DNAH1: variants seen among roughly 807,000 people sequenced by gnomAD.
The protein encoded by DNAH1 is dynein axonemal heavy chain 1, also known as axonemal beta dynein heavy chain 1.
DNAH1 carries 327 observed loss-of-function variants against 484.3 expected under a neutral mutation model. That is an observed-to-expected ratio of 0.68 (90% CI 0.62 to 0.74). The LOEUF (loss-of-function observed/expected upper bound fraction) is 0.74. Ranked by LOEUF, DNAH1 falls within the 30% of genes least tolerant of loss-of-function variation. DNAH1 has a pLI of 0.00. For missense variants in DNAH1, 5,052 were observed against 5,546.8 expected (o/e 0.91, Z 2.83); for synonymous variants, 2,192 against 2,191.9 (o/e 1.00, Z 0.00).
At chr3:52,337,504 A>G (rs987025237) in intron 8 of DNAH1, among the ~76,000 whole-genome samples, 7 of 152,316 alleles carry the variant, frequency 4.6e-5, no homozygotes, top group African/African-American at 1.7e-4. Context: ...TGTGAGCCAA[A>G]TTTAAAACCT....
intron 8 of DNAH1, among the ~76,000 whole-genome samples, chr3:52,341,464 C>G (rs967519774): frequency 1.3e-5 from 2 of 150,490 alleles, no homozygotes; most frequent in African/African-American, 4.9e-5. Context: ...GTGGGAAACT[C>G]TAGAGCAAGC....
Position 52,361,740 on chromosome 3 carries a change from A to G in DNAH1, c.4954A>G (p.Thr1652Ala). ...GTCTGTGGTGGCGCAGCAGATCACC[A>G]CCATCCAGAAGGCGCAGCAGCAGCG... ...VLSVVAQQIT[T>A]IQKAQQQRVE... Residue 1652 changes from threonine (T) to alanine (A), a missense_variant, in exon 30 of 78, where the codon ACC becomes GCC. Thr to Ala is a moderately conservative substitution (Grantham distance 58). Coordinates refer to ENST00000420323, the MANE Select transcript of DNAH1 (RefSeq NM_015512.5). This position sits in a 1 kb window ranked among gnomAD's most constrained non-coding sequence, Gnocchi z 5.6. 1.2e-6 allele frequency: 2 copies of G among 1,610,010 alleles called. No homozygotes were observed. Among genetic ancestry groups the G allele is most frequent in the South Asian group, 2.2e-5 (2 of 90,162 alleles).
At chr3:52,334,765 C>T (rs1701677261) in intron 8 of DNAH1, among the ~76,000 whole-genome samples, 1 of 152,136 alleles carries the variant, frequency 6.6e-6, no homozygotes, top group Admixed American at 6.5e-5. Flanking sequence ...TGCACTCCAG[C>T]ATGGGTGACA....
At chr3:52,332,054 G>T in intron 7 of DNAH1, 88 bp from the exon 8 acceptor site, 4 of 1,470,480 alleles carry the variant, frequency 2.7e-6, no homozygotes, top group Non-Finnish European at 3.6e-6. Flanking sequence ...GGGCCACTGG[G>T]CATCCACGGC....
intron 44 of DNAH1, chr3:52,375,017 C>CAATAAA: frequency 1.8e-6 from 1 of 567,338 alleles, no homozygotes; most frequent in Non-Finnish European, 3.0e-6. Flanking sequence ...AAAATGTCTG[C>CAATAAA]AATAAAAAGT....
chr3:52,376,122 C>A, intron 46 of DNAH1, 129 bp downstream of exon 46: 1 of 1,166,452 alleles, frequency 8.6e-7, no homozygotes, highest in Non-Finnish European at 1.2e-6. Flanking sequence ...GACCTTGGGC[C>A]ACTAGGGTGC....
rs1429046077 is a variant in DNAH1, at chr3:52,368,142, G to C, written c.5766-599G>C. On this transcript the variant is annotated intron_variant, in intron 36 of 77. Coordinates refer to ENST00000420323, the MANE Select transcript of DNAH1 (RefSeq NM_015512.5). This position sits in a 1 kb window ranked among gnomAD's most constrained non-coding sequence, Gnocchi z 4.4. ...CCTCAGCGTAACCAGACATTGCCTG[G>C]GGGTGGTGCAGGGAAGGAGCCTCAA... Among the ~76,000 whole-genome samples the C allele has an allele frequency of 6.6e-6, 1 of 152,202 alleles. No individual in the cohort carries two copies. The highest frequency in any genetic ancestry group is 1.9e-4 in the East Asian group (1 of 5,204).
intron 22 of DNAH1, 46 bp from the exon 23 acceptor site, chr3:52,357,568 G>T (rs1465074251): frequency 2.5e-6 from 4 of 1,580,226 alleles, no homozygotes. Flanking sequence ...CTTGCTACCT[G>T]GACCATGCTC....
At chr3:52,314,210 C>T (rs1324942177), upstream of DNAH1, among the ~76,000 whole-genome samples, 1 of 152,238 alleles carries the variant, frequency 6.6e-6, no homozygotes, top group Non-Finnish European at 1.5e-5. Context: ...CAGAGGTGCT[C>T]AGAGCCTAAT....
rs1388832514 is a variant in DNAH1, at chr3:52,366,805, G to C, written c.5683G>C (p.Ala1895Pro). ...ATCCATCAGTGGTGGCATGTACGAG[G>C]CTGTCAACTACTACGTGCTCAACCC... ...QPSISGGMYE[A>P]VNYYVLNPKS... The change falls in exon 36 of 78, where the codon GCT becomes CCT. Residue 1895 changes from alanine to proline, a missense_variant. By Grantham distance (27) the Ala-to-Pro change is conservative. Transcript: ENST00000420323. 6.2e-7 allele frequency: 1 copy of C among 1,613,836 alleles called. No individual in the cohort carries two copies. Among genetic ancestry groups the C allele is most frequent in the Admixed American group, 1.7e-5 (1 of 59,994 alleles).
intron 1 of DNAH1, among the ~76,000 whole-genome samples, chr3:52,322,191 T>TG (rs772391277): frequency 1.5e-4 from 23 of 152,192 alleles, no homozygotes; most frequent in Admixed American, 2.6e-4. Context: ...ATTTCTCACA[T>TG]GCAGTGTCCA....
In DNAH1 at chr3:52,366,448, G is replaced by A; in HGVS notation, c.5519-9G>A. The A allele has an allele frequency of 6.3e-7, 1 of 1,584,510 alleles. No homozygotes were observed. Among genetic ancestry groups the A allele is most frequent in the East Asian group, 2.3e-5 (1 of 42,802 alleles). On this transcript the variant is annotated splice_polypyrimidine_tract_variant and intron_variant, in intron 34 of 77. Transcript: ENST00000420323. ...CTCTGACCCTTGGGCCCCATGCCAT[G>A]TCCCCCAGGCTTCCTGACAAAGTGC...
In DNAH1 at chr3:52,361,255, G is replaced by A. The variant is rs778548269; in HGVS notation, c.4777G>A (p.Asp1593Asn). The A allele has an allele frequency of 8.1e-6, 13 of 1,613,104 alleles. No homozygotes were observed. In the South Asian group the frequency reaches 1.4e-4, roughly 18 times the overall value. ...CACAGGCAAAACTGAGACCACCAAA[G>A]ACCTGGGTAAGGCCTTGGCCATACA... is the stretch of plus-strand genomic sequence containing the variant. Reference protein sequence around the residue: ...AGTGKTETTKDLGKALAIQTV... With the variant: ...AGTGKTETTKNLGKALAIQTV... Residue 1593 changes from aspartate (D) to asparagine (N), a missense_variant, in exon 29 of 78, where the codon GAC (aspartate) becomes AAC (asparagine). Physicochemically the swap from Asp to Asn is conservative, Grantham distance 23. This residue lies in a region of DNAH1 where 2,929 missense variants were observed against 3,409.4 expected (regional missense o/e 0.86). Coordinates refer to ENST00000420323, the MANE Select transcript of DNAH1 (RefSeq NM_015512.5). This position sits in a 1 kb window ranked among gnomAD's most constrained non-coding sequence, Gnocchi z 5.6.
chr3:52,344,374 G>A (rs1176013714), intron 8 of DNAH1, 116 bp from the exon 9 acceptor site: 4 of 1,318,130 alleles, frequency 3.0e-6, no homozygotes, highest in Non-Finnish European at 3.1e-6. Flanking sequence ...CATGAATCCA[G>A]AAGGGAAGCC....
chr3:52,385,256 A>C, intron 53 of DNAH1, 81 bp from the exon 54 acceptor site: 1 of 1,399,552 alleles, frequency 7.1e-7, no homozygotes, highest in Non-Finnish European at 9.9e-7. Flanking sequence ...CTTCTCTCTC[A>C]TGAATGAGGG....
chr3:52,345,611 A>G lies in DNAH1; in HGVS notation c.1561A>G (p.Asn521Asp). The G allele has an allele frequency of 6.2e-7, 1 of 1,608,272 alleles. No individual in the cohort carries two copies. The highest frequency in any genetic ancestry group is 1.1e-5 in the South Asian group (1 of 90,002). The change falls in exon 10 of 78, where the codon AAC becomes GAC. Residue 521 changes from asparagine to aspartate, a missense_variant. By Grantham distance (23) the Asn-to-Asp change is conservative. Around this residue, in one of 4 missense-constraint regions of DNAH1, gnomAD observed 1,263 missense variants for 1,218.8 expected, o/e 1.04. Transcript: ENST00000420323. ...TALSKVRAEC[N>D]KVTAMSLFHS... is the part of the protein sequence containing the mutation. ...CCTCAGCAAGGTGAGGGCCGAGTGC[A>G]ACAAGGTGACCGCCATGTCCCTGTT...
In DNAH1 at chr3:52,396,992, G is replaced by C; in HGVS notation, c.11735G>C (p.Ser3912Thr). The C allele has an allele frequency of 6.2e-7, 1 of 1,612,396 alleles. No individual in the cohort carries two copies. Among genetic ancestry groups the C allele is most frequent in the Non-Finnish European group, 8.5e-7 (1 of 1,179,374 alleles). The stretch of plus-strand genomic sequence containing the variant: ...CCTGACGTGCTCTCCCCTGAGCACA[G>C]CTACAGCGCCTCGGGCATCTACCAC... ...YNPDVLSPEH[S>T]YSASGIYHQI... The change falls in exon 73 of 78, where the codon AGC becomes ACC. Residue 3912 changes from serine (S) to threonine (T), a missense_variant. Transcript: ENST00000420323.
intron 15 of DNAH1, 34 bp from the exon 16 acceptor site, chr3:52,350,474 C>T (rs1483321466): frequency 4.4e-6 from 7 of 1,603,196 alleles, no homozygotes; most frequent in Non-Finnish European, 6.0e-6. Flanking sequence ...CTCCCTGGCA[C>T]ACGTGAAGTT....
chr3:52,400,149 C>T (rs541658237), intron 77 of DNAH1, among the ~76,000 whole-genome samples, 176 bp from the exon 78 acceptor site: 1 of 152,334 alleles, frequency 6.6e-6, no homozygotes, highest in East Asian at 1.9e-4. Flanking sequence ...GTCCCCAATA[C>T]AGTAACCCTG....
Sources: allele counts gnomAD v4.1 joint callset (sites outside exome capture counted in the v4.1 genomes callset), GRCh38; gene constraint gnomAD v4.1.1; regional missense constraint gnomAD v4.1.1; non-coding constraint Gnocchi (gnomAD v3.1); transcripts MANE v1.5; gene names NCBI Gene and HGNC (gene_info 2026-07-23, HGNC 2026-07-21).